Variants in GCC2 observed in about 807,000 individuals in gnomAD.
GCC2 encodes GRIP and coiled-coil domain-containing protein 2.
GCC2 carries 120 observed loss-of-function variants against 210.6 expected under a neutral mutation model. The observed-to-expected ratio is 0.57, with a 90% confidence interval of 0.49 to 0.66. The LOEUF (loss-of-function observed/expected upper bound fraction) is 0.66. Among genes scored for constraint, GCC2 ranks in the 30% least tolerant of loss-of-function variants. GCC2 has a pLI of 0.00. For missense variants in GCC2, 1,868 were observed against 1,871.9 expected (o/e 1.00, Z 0.04); for synonymous variants, 703 against 652.7 (o/e 1.08, Z -1.17).
chr2:108,497,158 T>C (rs370623164), intron 21 of GCC2, 49 bp downstream of exon 21: 2 of 1,611,394 alleles, frequency 1.2e-6, no homozygotes, highest in Non-Finnish European at 1.7e-6. Flanking sequence ...TTTGGTTTTC[T>C]TGACCCTCCA....
chr2:108,469,337 G>A (rs1169496633), intron 5 of GCC2: 5 of 420,886 alleles, frequency 1.2e-5, no homozygotes, highest in Admixed American at 3.9e-5. Context: ...AAAAAAGTAA[G>A]TTGATTTTCA....
intron 1 of GCC2, 61 bp from the exon 2 acceptor site, chr2:108,449,572 C>G (rs1679793512): frequency 1.4e-6 from 2 of 1,479,974 alleles, no homozygotes; most frequent in Non-Finnish European, 1.9e-6. Context: ...GGGTTCTACG[C>G]GTTCCGTGTG....
At chr2:108,477,284 ACTTCTGCATAACAACAAACAGG>A (rs1681592887) in intron 9 of GCC2, among the ~76,000 whole-genome samples, 1 of 152,226 alleles carries the variant, frequency 6.6e-6, no homozygotes, top group African/African-American at 2.4e-5. Context: ...AGAGATAGAT[ACTTCTGCATAACAACAAACAGG>A]TGCCAGGCTC....
At chr2:108,506,285 C>A (rs1683181457) in intron 22 of GCC2, among the ~76,000 whole-genome samples, 2 of 152,300 alleles carry the variant, frequency 1.3e-5, no homozygotes, top group African/African-American at 2.4e-5. Flanking sequence ...TACTGCTCAG[C>A]AATAAAAAAG....
At chr2:108,501,254 G>A (rs1234409288) in intron 22 of GCC2, among the ~76,000 whole-genome samples, 1 of 151,682 alleles carries the variant, frequency 6.6e-6, no homozygotes, top group Non-Finnish European at 1.5e-5. Flanking sequence ...CAAAGTGCTG[G>A]GATTACAGGT....
intron 19 of GCC2, chr2:108,493,728 C>G (rs1380972788): frequency 2.3e-5 from 23 of 985,248 alleles, no homozygotes; most frequent in South Asian, 1.9e-4. Context: ...TAGCCGCTAT[C>G]GGTCACTTAT....
intron 9 of GCC2, among the ~76,000 whole-genome samples, chr2:108,480,347 C>T (rs1368706403): frequency 6.6e-6 from 1 of 152,102 alleles, no homozygotes; most frequent in Non-Finnish European, 1.5e-5. Context: ...AAAACAGATT[C>T]CTCAAAGACC....
At chr2:108,485,163 G>T (rs1385298253) in intron 13 of GCC2, among the ~76,000 whole-genome samples, 1 of 149,680 alleles carries the variant, frequency 6.7e-6, no homozygotes, top group Non-Finnish European at 1.5e-5. Context: ...ACACTCTGGG[G>T]ACTGTGGTGG....
intron 4 of GCC2, among the ~76,000 whole-genome samples, chr2:108,464,237 C>T (rs960636079): frequency 2.6e-5 from 4 of 152,086 alleles, no homozygotes; most frequent in South Asian, 2.1e-4. Flanking sequence ...CGGCCCACAG[C>T]GGTCTTTAGC....
intron 22 of GCC2, among the ~76,000 whole-genome samples, chr2:108,501,676 G>C (rs2718761): frequency 0.62 from 94,535 of 151,600 alleles, 30,070 homozygotes; most frequent in East Asian, 0.96. Flanking sequence ...GGTATACTTA[G>C]TAAAATTCCA....
chr2:108,458,446 G>A (rs192926500), intron 4 of GCC2, among the ~76,000 whole-genome samples: 2 of 139,858 alleles, frequency 1.4e-5, no homozygotes, highest in Admixed American at 7.3e-5. Flanking sequence ...TTTCTAGAAT[G>A]AGTTAGGGAA....
At chr2:108,456,578 T>G (rs1680290734) in intron 4 of GCC2, among the ~76,000 whole-genome samples, 1 of 152,230 alleles carries the variant, frequency 6.6e-6, no homozygotes, top group Admixed American at 6.5e-5. Flanking sequence ...CCTTGTATAC[T>G]CTGGGTATTA....
Position 108,485,811 on chromosome 2 carries a change from C to A in GCC2, c.3715-20C>A. ...ATGAGTAACATTAAAAAAAATTTAA[C>A]CAAGATTCTCATTCTATAGGAAACT... On this transcript the variant is annotated intron_variant, in intron 14 of 22. Transcript: ENST00000309863. 1.3e-6 allele frequency: 2 copies of A among 1,515,146 alleles called. No homozygotes were observed. The highest frequency in any genetic ancestry group is 1.8e-6 in the Non-Finnish European group (2 of 1,113,936). 93.9% of individuals were successfully genotyped at this position (1,515,146 alleles called of 1,614,324 possible). A position where few individuals can be genotyped will look rare whatever the true frequency, so the allele number is the denominator to read the frequency against.
chr2:108,462,178 G>A (rs1680624880), intron 4 of GCC2, among the ~76,000 whole-genome samples: 1 of 144,814 alleles, frequency 6.9e-6, no homozygotes, highest in African/African-American at 2.5e-5. Context: ...TCTTTGCTTT[G>A]AGATACCCCA....
At chr2:108,468,738 G>A (rs1217012833) in intron 4 of GCC2, among the ~76,000 whole-genome samples, 2 of 152,136 alleles carry the variant, frequency 1.3e-5, no homozygotes, top group Non-Finnish European at 2.9e-5. Context: ...AGGTCCTTAG[G>A]TTATAGCTTT....
In GCC2 at chr2:108,470,657, C is replaced by G; in HGVS notation, c.1328C>G (p.Thr443Arg). The change falls in exon 6 of 23, where the codon ACA (threonine) becomes AGA (arginine). Residue 443 changes from threonine (T) to arginine (R), a missense_variant. Coordinates refer to ENST00000309863, the MANE Select transcript of GCC2 (RefSeq NM_181453.4). ...HQKEISELNE[T>R]FLSDSEKEKL... ...AAAGAAATATCAGAACTAAATGAGA[C>G]ATTTTTGTCAGATTCAGAAAAAGAA... 1 of 1,611,416 alleles carries G rather than the reference C, an allele frequency of 6.2e-7. No homozygotes were observed. Among genetic ancestry groups the G allele is most frequent in the Non-Finnish European group, 8.5e-7 (1 of 1,178,468 alleles).
intron 17 of GCC2, among the ~76,000 whole-genome samples, chr2:108,489,077 G>A (rs1027223287): frequency 1.3e-5 from 2 of 152,174 alleles, no homozygotes; most frequent in African/African-American, 2.4e-5. Flanking sequence ...AACTAATAGT[G>A]TATTGTACTC....
At chr2:108,455,518 C>T (rs10865019) in intron 4 of GCC2, among the ~76,000 whole-genome samples, 56,410 of 151,014 alleles carry the variant, frequency 0.37, 12,241 homozygotes, top group East Asian at 0.89. Flanking sequence ...TTTTCCTGAT[C>T]CATTATATTT....
rs200698017 is a variant in GCC2, at chr2:108,481,717, A to G, written c.3081A>G (p.Glu1027=). 2 of 1,597,140 alleles carry G rather than the reference A, an allele frequency of 1.3e-6. No homozygotes were observed. Among genetic ancestry groups the G allele is most frequent in the Non-Finnish European group, 1.7e-6 (2 of 1,172,472 alleles). The change falls in exon 10 of 23, where the codon GAA becomes GAG. Residue 1027 remains glutamate, a synonymous_variant. Transcript: ENST00000309863. ...ESYKNLLLEY[E]KQSEQLDVEK... ...TGAAGAATCTTTTATTAGAATATGA[A>G]AAGCAGTCAGAGCAACTGGATGTGG...
Sources: allele counts gnomAD v4.1 joint callset (sites outside exome capture counted in the v4.1 genomes callset), GRCh38; gene constraint gnomAD v4.1.1; transcripts MANE v1.5; gene names NCBI Gene and HGNC (gene_info 2026-07-23, HGNC 2026-07-21).